The following CCDC192 variants were observed in gnomAD, a reference collection of about 807,000 sequenced individuals.
CCDC192 encodes coiled-coil domain containing 192, also known as coiled-coil domain-containing protein 192.
At chr5:127,718,022 C>T (rs543965507) in intron 2 of CCDC192, among the ~76,000 whole-genome samples, 1 of 151,128 alleles carries the variant, frequency 6.6e-6, no homozygotes, top group Non-Finnish European at 1.5e-5. Flanking sequence ...GAAGTTCTCA[C>T]TTTAATAATA....
chr5:127,834,213 T>C (rs146274658), intron 5 of CCDC192, among the ~76,000 whole-genome samples: 1 of 152,292 alleles, frequency 6.6e-6, no homozygotes, highest in East Asian at 1.9e-4. Context: ...CCAGCCCATA[T>C]CTTTCATTAG....
intron 3 of CCDC192, chr5:127,787,126 C>G: frequency 4.3e-6 from 1 of 232,770 alleles, no homozygotes; most frequent in Admixed American, 4.0e-5. Flanking sequence ...ATATGCAGTA[C>G]CATTCCAAAT....
intron 3 of CCDC192, among the ~76,000 whole-genome samples, chr5:127,783,203 C>T (rs1165098936): frequency 6.6e-6 from 1 of 152,000 alleles, no homozygotes; most frequent in African/African-American, 2.4e-5. Context: ...ACCATCTTGG[C>T]AAGGATGGTC....
intron 6 of CCDC192, among the ~76,000 whole-genome samples, chr5:127,908,414 A>G (rs1168576549): frequency 6.6e-6 from 1 of 152,198 alleles, no homozygotes; most frequent in Non-Finnish European, 1.5e-5. Flanking sequence ...TTAATTTTCA[A>G]AGAAGTGTAA....
At chr5:127,769,411 G>A (rs1335817620) in intron 3 of CCDC192, among the ~76,000 whole-genome samples, 2 of 150,440 alleles carry the variant, frequency 1.3e-5, no homozygotes, top group East Asian at 3.9e-4. Flanking sequence ...GATTTTGTGT[G>A]TATGTGTGTG....
At chr5:127,854,250 T>C (rs1750954342) in intron 5 of CCDC192, among the ~76,000 whole-genome samples, 1 of 152,196 alleles carries the variant, frequency 6.6e-6, no homozygotes, top group African/African-American at 2.4e-5. Context: ...CACTCTCTGG[T>C]GTTTCCAGAG....
chr5:127,936,866 G>T (rs1754200948), intron 6 of CCDC192, among the ~76,000 whole-genome samples: 2 of 152,192 alleles, frequency 1.3e-5, no homozygotes, highest in Non-Finnish European at 2.9e-5. Flanking sequence ...GGTGTGTGAA[G>T]TGTGGGACAT....
At chr5:127,749,586 T>C (rs2126860615) in intron 2 of CCDC192, among the ~76,000 whole-genome samples, 1 of 152,104 alleles carries the variant, frequency 6.6e-6, no homozygotes, top group Admixed American at 6.5e-5. Context: ...TTTTTGGTTG[T>C]GTCTCTGCCC....
intron 3 of CCDC192, among the ~76,000 whole-genome samples, chr5:127,758,041 A>T (rs13188453): frequency 0.32 from 48,544 of 151,696 alleles, 8,653 homozygotes; most frequent in Middle Eastern, 0.42. Flanking sequence ...TTTGTGCTGG[A>T]ATGAAGCAGT....
chr5:127,834,933 G>T (rs1337867322), intron 5 of CCDC192, among the ~76,000 whole-genome samples: 1 of 152,128 alleles, frequency 6.6e-6, no homozygotes, highest in Non-Finnish European at 1.5e-5. Flanking sequence ...GAGAAAAGCA[G>T]ATTTTTAAGT....
chr5:127,807,492 G>C (rs73783977), intron 5 of CCDC192, among the ~76,000 whole-genome samples: 1 of 151,882 alleles, frequency 6.6e-6, no homozygotes, highest in Non-Finnish European at 1.5e-5. Context: ...AAGCTTCTTG[G>C]GGGTAGAGCC....
intron 5 of CCDC192, among the ~76,000 whole-genome samples, chr5:127,801,211 C>G (rs762624147): frequency 1.2e-4 from 19 of 152,174 alleles, no homozygotes; most frequent in Middle Eastern, 3.4e-3. Context: ...GGTGAGGGTT[C>G]TTCTGGAATA....
chr5:127,802,716 C>T (rs1029400776), intron 5 of CCDC192, among the ~76,000 whole-genome samples: 1 of 152,188 alleles, frequency 6.6e-6, no homozygotes, highest in African/African-American at 2.4e-5. Context: ...CTGCAAGTTC[C>T]TGGAGGAAGT....
At chr5:127,721,707 G>C (rs1361966258) in intron 2 of CCDC192, among the ~76,000 whole-genome samples, 2 of 152,140 alleles carry the variant, frequency 1.3e-5, no homozygotes, top group African/African-American at 4.8e-5. Context: ...GTAATTTATA[G>C]ATAAAAGAGG....
intron 5 of CCDC192, among the ~76,000 whole-genome samples, chr5:127,818,683 C>G (rs1482235053): frequency 6.6e-6 from 1 of 152,062 alleles, no homozygotes; most frequent in African/African-American, 2.4e-5. Flanking sequence ...CCAGTGATAC[C>G]TGAGCTGAGT....
chr5:127,821,620 A>G (rs1749295928), intron 5 of CCDC192, among the ~76,000 whole-genome samples: 1 of 152,224 alleles, frequency 6.6e-6, no homozygotes, highest in African/African-American at 2.4e-5. Flanking sequence ...GGCATCCTGC[A>G]GGAAGTCTTA....
rs550876428 is a variant in CCDC192, at chr5:127,883,685, G to A, written c.535+8024G>A. Among the ~76,000 whole-genome samples the A allele has an allele frequency of 1.2e-4, 18 of 152,282 alleles. No homozygotes were observed. In the South Asian group the frequency reaches 3.7e-3, roughly 32 times the overall value. ...TATTGCACAGAAGATCTCAGGAAAT[G>A]TTACTTCTTCCAGCTGGAGGCTGTG... On this transcript the variant is annotated intron_variant, in intron 6 of 6. Transcript: ENST00000514853.
intron 3 of CCDC192, among the ~76,000 whole-genome samples, chr5:127,766,254 C>A (rs1755218550): frequency 6.6e-6 from 1 of 152,112 alleles, no homozygotes; most frequent in Admixed American, 6.5e-5. Context: ...AAAATACCTC[C>A]AGGGAGTGTT....
At chr5:127,862,268 T>C (rs1421335559) in intron 5 of CCDC192, among the ~76,000 whole-genome samples, 3 of 152,202 alleles carry the variant, frequency 2.0e-5, no homozygotes, top group African/African-American at 7.2e-5. Context: ...GCAGGCATGT[T>C]ACATGGACCA....
Sources: gnomAD v4.1 joint callset for allele counts (sites outside exome capture counted in the v4.1 genomes callset) on GRCh38, gnomAD v4.1.1 for gene constraint, MANE v1.5 for transcripts, NCBI Gene and HGNC (gene_info 2026-07-23, HGNC 2026-07-21) for gene names.